Variants in THSD7B observed in about 807,000 individuals in gnomAD.
THSD7B encodes thrombospondin type-1 domain-containing protein 7B.
THSD7B carries 138 observed loss-of-function variants against 213.6 expected under a neutral mutation model. That is an observed-to-expected ratio of 0.65 (90% confidence interval 0.56 to 0.74). THSD7B has a LOEUF of 0.74. THSD7B is among the 30% of genes least tolerant of loss of function. The probability of loss-of-function intolerance (pLI) is 0.00; values close to 1 mark genes in which losing one functional copy is unlikely to be tolerated. For synonymous variants in THSD7B, 742 were observed against 687.0 expected (o/e 1.08, Z -1.25); for missense variants, 1,931 against 1,991.5 (o/e 0.97, Z 0.58).
chr2:137,272,205 G>A (rs1419590601), intron 10 of THSD7B, among the ~76,000 whole-genome samples: 1 of 152,082 alleles, frequency 6.6e-6, no homozygotes, highest in Non-Finnish European at 1.5e-5. Context: ...GATTTCAGCT[G>A]TTGTTTGGAG....
intron 12 of THSD7B, among the ~76,000 whole-genome samples, chr2:137,403,205 G>T (rs904732508): frequency 2.0e-5 from 3 of 152,126 alleles, no homozygotes; most frequent in Admixed American, 2.0e-4. Flanking sequence ...AGTATTGTGT[G>T]TGCATCCATT....
intron 2 of THSD7B, among the ~76,000 whole-genome samples, chr2:136,900,048 G>T (rs1684038680): frequency 6.6e-6 from 1 of 152,156 alleles, no homozygotes; most frequent in South Asian, 2.1e-4. Context: ...AATGATTATG[G>T]CTCCAGATGC....
chr2:137,229,875 C>T (rs949403195), intron 7 of THSD7B, among the ~76,000 whole-genome samples: 9 of 152,054 alleles, frequency 5.9e-5, no homozygotes, highest in Non-Finnish European at 1.2e-4. Flanking sequence ...CAGTGCCTGG[C>T]GCAAGGAGAT....
chr2:137,617,844 C>T (rs1238698782), intron 18 of THSD7B, among the ~76,000 whole-genome samples: 3 of 152,044 alleles, frequency 2.0e-5, no homozygotes, highest in East Asian at 3.9e-4. Context: ...GGATGGAAGG[C>T]GCAAACAAGC....
At chr2:137,636,052 C>T (rs74493021) in intron 20 of THSD7B, among the ~76,000 whole-genome samples, 4,491 of 152,206 alleles carry the variant, frequency 0.03, 168 homozygotes, top group African/African-American at 0.089. Context: ...ACCTTTGTGA[C>T]ACATATCCAG....
chr2:136,795,176 A>G (rs1682039349), intron 1 of THSD7B, among the ~76,000 whole-genome samples: 1 of 152,008 alleles, frequency 6.6e-6, no homozygotes, highest in Admixed American at 6.6e-5. Flanking sequence ...TTAGGAGTCC[A>G]AAATGGCTCT....
intron 15 of THSD7B, among the ~76,000 whole-genome samples, chr2:137,476,479 C>G (rs1248796429): frequency 6.6e-6 from 1 of 151,956 alleles, no homozygotes; most frequent in Non-Finnish European, 1.5e-5. Flanking sequence ...TAATCCATCT[C>G]TGATTGATTT....
chr2:137,426,108 G>T (rs191763696), intron 14 of THSD7B, among the ~76,000 whole-genome samples: 1 of 151,876 alleles, frequency 6.6e-6, no homozygotes, highest in Admixed American at 6.6e-5. Context: ...AAAATACTTA[G>T]GAATAAAATT....
intron 15 of THSD7B, among the ~76,000 whole-genome samples, chr2:137,530,188 G>A (rs1000261101): frequency 9.2e-5 from 14 of 152,114 alleles, no homozygotes; most frequent in Non-Finnish European, 1.6e-4. Flanking sequence ...TAAGCAATAC[G>A]TAGAGAAGCT....
At chr2:136,977,836 C>G (rs189529264) in intron 2 of THSD7B, among the ~76,000 whole-genome samples, 2 of 144,384 alleles carry the variant, frequency 1.4e-5, no homozygotes, top group African/African-American at 5.2e-5. Context: ...CGGAGTCTTG[C>G]TCTGTCACCC....
intron 5 of THSD7B, among the ~76,000 whole-genome samples, chr2:137,141,617 A>T (rs901453167): frequency 6.6e-6 from 1 of 151,964 alleles, no homozygotes; most frequent in African/African-American, 2.4e-5. Context: ...GTTGTGCAAG[A>T]TGTTACCATG....
intron 10 of THSD7B, among the ~76,000 whole-genome samples, chr2:137,267,535 T>G (rs955122472): frequency 6.6e-6 from 1 of 151,048 alleles, no homozygotes; most frequent in Non-Finnish European, 1.5e-5. Context: ...CTCCCCTCTT[T>G]CCCTTCATCA....
At chr2:137,187,952 A>AT (rs534239681) in intron 7 of THSD7B, among the ~76,000 whole-genome samples, 12 of 150,614 alleles carry the variant, frequency 8.0e-5, no homozygotes, top group Non-Finnish European at 1.8e-4. Flanking sequence ...GAAAAAAAAA[A>AT]TTCTGTATTT....
intron 1 of THSD7B, among the ~76,000 whole-genome samples, chr2:136,863,349 G>A (rs554563785): frequency 6.6e-6 from 1 of 152,324 alleles, no homozygotes; most frequent in South Asian, 2.1e-4. Flanking sequence ...ATGAAATACA[G>A]TGCTGGAGGA....
At chr2:137,314,928 T>A (rs549018909) in intron 12 of THSD7B, among the ~76,000 whole-genome samples, 4 of 152,296 alleles carry the variant, frequency 2.6e-5, no homozygotes, top group Admixed American at 2.6e-4. Flanking sequence ...GACAGGGACA[T>A]TTAAGTCTGC....
intron 2 of THSD7B, among the ~76,000 whole-genome samples, chr2:137,001,813 T>C (rs779227617): frequency 1.3e-5 from 2 of 152,194 alleles, no homozygotes; most frequent in Non-Finnish European, 2.9e-5. Context: ...CTCCTCTATT[T>C]ATCAACCCAA....
chr2:137,579,507 C>T (rs1332467483), intron 17 of THSD7B, among the ~76,000 whole-genome samples: 3 of 151,680 alleles, frequency 2.0e-5, no homozygotes, highest in Admixed American at 6.6e-5. Context: ...TTAATATGCA[C>T]GTGAGTACAT....
intron 15 of THSD7B, among the ~76,000 whole-genome samples, chr2:137,544,360 A>G (rs1680667522): frequency 6.6e-6 from 1 of 151,858 alleles, no homozygotes; most frequent in Non-Finnish European, 1.5e-5. Context: ...CATAGATTAT[A>G]TCATTCTATT....
intron 7 of THSD7B, among the ~76,000 whole-genome samples, chr2:137,225,303 A>T (rs1367752448): frequency 2.0e-5 from 3 of 152,172 alleles, no homozygotes; most frequent in African/African-American, 7.2e-5. Flanking sequence ...CCATGCCATG[A>T]TGCAGTTCCA....
Sources: allele counts gnomAD v4.1 joint callset (sites outside exome capture counted in the v4.1 genomes callset), GRCh38; gene constraint gnomAD v4.1.1; transcripts MANE v1.5; gene names NCBI Gene and HGNC (gene_info 2026-07-23, HGNC 2026-07-21).